The following TRAF6 variants were observed in gnomAD, a reference collection of about 807,000 sequenced individuals.
TRAF6 encodes TNF receptor-associated factor 6.
TRAF6 carries 10 observed loss-of-function variants against 48.4 expected under a neutral mutation model. That is an observed-to-expected ratio of 0.21 (90% CI 0.13 to 0.35). The LOEUF is 0.35. TRAF6 is among the 10% of genes least tolerant of loss of function. The probability of loss-of-function intolerance (pLI) is 1.00; values close to 1 mark genes in which losing one functional copy is unlikely to be tolerated. For synonymous variants in TRAF6, 186 were observed against 219.6 expected, an observed-to-expected ratio of 0.85 and a Z score of 1.35; for missense variants, 397 against 661.0, an observed-to-expected ratio of 0.60 and a Z score of 4.38.
Position 36,485,505 on chromosome 11 carries a change from G to A in TRAF6, c.*4333C>T, listed in dbSNP as rs1481715805. Among the ~76,000 whole-genome samples the A allele has an allele frequency of 1.3e-5, 2 of 152,118 alleles. No individual in the cohort carries two copies. Among genetic ancestry groups the A allele is most frequent in the African/African-American group, 2.4e-5 (1 of 41,386 alleles). ...ACCTTCAGAGCTGCAGACAGTAAGAGCAGAGGCACATGCCCCAACTTCCCC... is the reference window on the plus strand; with the variant it reads ...ACCTTCAGAGCTGCAGACAGTAAGAACAGAGGCACATGCCCCAACTTCCCC... On this transcript the variant is annotated 3_prime_UTR_variant, in exon 7 of 7. Coordinates refer to ENST00000526995, the MANE Select transcript of TRAF6 (RefSeq NM_004620.4).
Position 36,488,289 on chromosome 11 carries a change from G to C in TRAF6, c.*1549C>G, listed in dbSNP as rs927362471. The stretch of plus-strand genomic sequence containing the variant: ...TTTTCACTCCATAACAAACTCACCA[G>C]ATCAGGAGCCTAAGGGTGGGTGGGG... On this transcript the variant is annotated 3_prime_UTR_variant, in exon 7 of 7. Transcript: ENST00000526995. 7.4e-6 allele frequency: 1 copy of C among 135,658 alleles called. No individual in the cohort carries two copies. The highest frequency in any genetic ancestry group is 1.6e-5 in the Non-Finnish European group (1 of 63,510). 8.4% of individuals were successfully genotyped at this position (135,658 alleles called of 1,614,324 possible).
Position 36,490,555 on chromosome 11 carries a change from G to C in TRAF6, c.852C>G (p.Pro284=). The change falls in exon 7 of 7, where the codon CCC becomes CCG. Residue 284 remains proline, a synonymous_variant. Transcript: ENST00000526995. This position sits in a 1 kb window ranked among gnomAD's most constrained non-coding sequence, Gnocchi z 6.4. ...AQAVHSLSVI[P]DSGYISEVRN... ...GGACCTCTGAGATATACCCAGAGTC[G>C]GGTATAACGCTCAAACTATGAACAG... 1.9e-6 allele frequency: 3 copies of C among 1,614,074 alleles called. No individual in the cohort carries two copies. Among genetic ancestry groups the C allele is most frequent in the Non-Finnish European group, 2.5e-6 (3 of 1,180,026 alleles).
rs1859544879 is a variant in TRAF6, at chr11:36,490,240, C to G, written c.1167G>C (p.Leu389=). 2 of 1,614,206 alleles carry G rather than the reference C, an allele frequency of 1.2e-6. No homozygotes were observed. Among genetic ancestry groups the G allele is most frequent in the Non-Finnish European group, 1.7e-6 (2 of 1,180,038 alleles). The change falls in exon 7 of 7, where the codon CTG becomes CTC. Residue 389 remains leucine, a synonymous_variant. Coordinates refer to ENST00000526995, the MANE Select transcript of TRAF6 (RefSeq NM_004620.4). This position sits in a 1 kb window ranked among gnomAD's most constrained non-coding sequence, Gnocchi z 6.4. ...GTAACTGAAGGTGCAAGCGCATGCA[C>G]AGTTTGTACCCGGGTTTGCCAGTGT... ...GFYTGKPGYK[L]CMRLHLQLPT...
At chr11:36,504,583 G>C (rs974941849) in intron 1 of TRAF6, among the ~76,000 whole-genome samples, 2 of 152,106 alleles carry the variant, frequency 1.3e-5, no homozygotes, top group African/African-American at 4.8e-5. Flanking sequence ...TCATCCATGA[G>C]GGCTTCTTTC....
At chr11:36,507,740 CACAT>C (rs1388677120) in intron 1 of TRAF6, among the ~76,000 whole-genome samples, 2 of 132,932 alleles carry the variant, frequency 1.5e-5, no homozygotes, top group African/African-American at 2.9e-5. Flanking sequence ...TGTATATATA[CACAT>C]ACATACATGT....
At chr11:36,492,781 AG>A (rs1481142313) in intron 5 of TRAF6, among the ~76,000 whole-genome samples, 153 bp from the exon 6 acceptor site, 3 of 152,256 alleles carry the variant, frequency 2.0e-5, no homozygotes, top group Non-Finnish European at 4.4e-5. Flanking sequence ...AAAAATTAAA[AG>A]AACATCTACT....
rs1859484448 is a variant in TRAF6, at chr11:36,486,393, G to C, written c.*3445C>G. Among the ~76,000 whole-genome samples the C allele has an allele frequency of 6.6e-6, 1 of 152,104 alleles. No individual in the cohort carries two copies. The highest frequency in any genetic ancestry group is 1.5e-5 in the Non-Finnish European group (1 of 68,032). ...GAACTTGAGGCAAGCCAAGAGAACA[G>C]TGTTAGTACATACAAGCAATTGTTC... On this transcript the variant is annotated 3_prime_UTR_variant, in exon 7 of 7. Transcript: ENST00000526995.
rs1859486422 is a variant in TRAF6, at chr11:36,486,517, CTG to C, written c.*3319_*3320del. Among the ~76,000 whole-genome samples, 1 of 152,096 alleles carries C rather than the reference CTG, an allele frequency of 6.6e-6. No individual in the cohort carries two copies. The highest frequency in any genetic ancestry group is 2.1e-4 in the South Asian group (1 of 4,828). ...GTAAAAACGGTAATAGAGAATTATA[CTG>C]TGACCTGTATAATTTTATATGGGTC... On this transcript the variant is annotated 3_prime_UTR_variant, in exon 7 of 7. Coordinates refer to ENST00000526995, the MANE Select transcript of TRAF6 (RefSeq NM_004620.4).
intron 6 of TRAF6, among the ~76,000 whole-genome samples, 157 bp downstream of exon 6, chr11:36,492,394 C>A: frequency 6.6e-6 from 1 of 152,158 alleles, no homozygotes; most frequent in East Asian, 1.9e-4. Flanking sequence ...GCTAAGTATG[C>A]CTTTGCTTCT....
At position 36,490,869 on chromosome 11, in the gene TRAF6, A is replaced by G. The variant is rs1366591912; in HGVS notation, c.757-219T>C. On this transcript the variant is annotated intron_variant, in intron 6 of 6. Coordinates refer to ENST00000526995, the MANE Select transcript of TRAF6 (RefSeq NM_004620.4). This position sits in a 1 kb window ranked among gnomAD's most constrained non-coding sequence, Gnocchi z 6.4. ...TCTGATGACTACTCTCCCAGCTTTC[A>G]CTCACATAAATCTCCCTCCCACCTA... 1.3e-5 allele frequency among the ~76,000 whole-genome samples: 2 copies of G among 152,058 alleles called. No homozygotes were observed. The highest frequency in any genetic ancestry group is 1.9e-4 in the East Asian group (1 of 5,184).
Position 36,489,767 on chromosome 11 carries a change from T to A in TRAF6, c.*71A>T. ...ATTTCCCGTGGCTTGTTTGTTTGCA[T>A]GTTATTGAGAACAGGGCAAGGAAAG... On this transcript the variant is annotated 3_prime_UTR_variant, in exon 7 of 7. Transcript: ENST00000526995. 1.4e-6 allele frequency: 2 copies of A among 1,453,330 alleles called. No homozygotes were observed. The highest frequency in any genetic ancestry group is 1.9e-6 in the Non-Finnish European group (2 of 1,068,678). 90.0% of individuals were successfully genotyped at this position (1,453,330 alleles called of 1,614,324 possible).
rs1859474935 is a variant in TRAF6, at chr11:36,485,808, C to T, written c.*4030G>A. ...TGCCAAGATCCATCCAATTTGATTT[C>T]ATCAGATCATCTTTCTGGATACTGG... On this transcript the variant is annotated 3_prime_UTR_variant, in exon 7 of 7. Coordinates refer to ENST00000526995, the MANE Select transcript of TRAF6 (RefSeq NM_004620.4). Among the ~76,000 whole-genome samples the T allele has an allele frequency of 6.6e-6, 1 of 152,092 alleles. No individual in the cohort carries two copies. Among genetic ancestry groups the T allele is most frequent in the Non-Finnish European group, 1.5e-5 (1 of 68,034 alleles).
chr11:36,490,657 A>G lies in TRAF6; in HGVS notation c.757-7T>C. ...CCAAGTGATTCCTCTGCATCTAAAA[A>G]TCAAGCACAAGCCTTAGGCTGGGAA... On this transcript the variant is annotated splice_region_variant and splice_polypyrimidine_tract_variant and intron_variant, in intron 6 of 6. Transcript: ENST00000526995. The surrounding 1 kb of genome is among the most constrained non-coding windows in gnomAD (Gnocchi z 6.4). 1 of 1,603,286 alleles carries G rather than the reference A, an allele frequency of 6.2e-7. No individual in the cohort carries two copies.
intron 1 of TRAF6, among the ~76,000 whole-genome samples, chr11:36,508,232 G>T (rs1859834571): frequency 6.6e-6 from 1 of 151,536 alleles, no homozygotes. Flanking sequence ...AGTATAAATT[G>T]TTCCTTAACT....
intron 2 of TRAF6, 148 bp downstream of exon 2, chr11:36,501,072 A>C: frequency 1.3e-6 from 1 of 787,276 alleles, no homozygotes; most frequent in South Asian, 2.3e-5. Context: ...ATAAGAATCT[A>C]ACTTTCTCAA....
chr11:36,487,197 T>C lies in TRAF6; in HGVS notation c.*2641A>G, dbSNP rs1287931617. On this transcript the variant is annotated 3_prime_UTR_variant, in exon 7 of 7. Coordinates refer to ENST00000526995, the MANE Select transcript of TRAF6 (RefSeq NM_004620.4). Reference sequence around the variant, plus strand: ...TCCCAGAATGATGCCAAAAGATAAATATGGTAAAAGGTGGTTAGTAACATA... The same window carrying C: ...TCCCAGAATGATGCCAAAAGATAAACATGGTAAAAGGTGGTTAGTAACATA... 1.3e-5 allele frequency: 2 copies of C among 152,170 alleles called. No individual in the cohort carries two copies. Among genetic ancestry groups the C allele is most frequent in the Non-Finnish European group, 2.9e-5 (2 of 68,028 alleles). 9.4% of individuals were successfully genotyped at this position (152,170 alleles called of 1,614,324 possible). A position where few individuals can be genotyped will look rare whatever the true frequency, so the allele number is the denominator to read the frequency against.
Position 36,490,012 on chromosome 11 carries a change from T to C in TRAF6, c.1395A>G (p.Pro465=), listed in dbSNP as rs1232081823. ...CATAGCCAAAACCTTTTGGGTTCCG[T>C]GGGATTGTGGGTCGCTGGAAAGCAA... is the stretch of plus-strand genomic sequence containing the variant. The part of the protein sequence containing the change: ...ELLAFQRPTI[P]RNPKGFGYVT... Residue 465 remains proline, a synonymous_variant, in exon 7 of 7, where the codon CCA becomes CCG. Transcript: ENST00000526995. The surrounding 1 kb of genome is among the most constrained non-coding windows in gnomAD (Gnocchi z 6.4). 1.9e-6 allele frequency: 3 copies of C among 1,614,006 alleles called. No individual in the cohort carries two copies. Among genetic ancestry groups the C allele is most frequent in the African/African-American group, 2.7e-5 (2 of 74,890 alleles).
rs1339056147 is a variant in TRAF6, at chr11:36,484,640, A to AC, written c.*5197_*5198insG. ...GGAAAAGGACACGAAGACAAAACTG[A>AC]TTGACCCATGGTCAGTCAGGAGAAA... On this transcript the variant is annotated 3_prime_UTR_variant, in exon 7 of 7. Transcript: ENST00000526995. Among the ~76,000 whole-genome samples the AC allele has an allele frequency of 1.6e-5, 1 of 60,892 alleles. No homozygotes were observed. The highest frequency in any genetic ancestry group is 5.2e-5 in the Non-Finnish European group (1 of 19,134). 39.9% of individuals were successfully genotyped at this position (60,892 alleles called of 152,430 possible). A position where few individuals can be genotyped will look rare whatever the true frequency, so the allele number is the denominator to read the frequency against.
rs1404593051 is a variant in TRAF6, at chr11:36,485,259, A to G, written c.*4579T>C. Among the ~76,000 whole-genome samples, 2 of 152,198 alleles carry G rather than the reference A, an allele frequency of 1.3e-5. No homozygotes were observed. The highest frequency in any genetic ancestry group is 2.9e-5 in the Non-Finnish European group (2 of 68,050). On this transcript the variant is annotated 3_prime_UTR_variant, in exon 7 of 7. Transcript: ENST00000526995. Reference sequence around the variant, plus strand: ...CTTACCATCTAAAATTTACATGACAAGGTACCAGAAATTGGTCAGCTTCAA... The same window carrying G: ...CTTACCATCTAAAATTTACATGACAGGGTACCAGAAATTGGTCAGCTTCAA...
Sources: allele counts gnomAD v4.1 joint callset (sites outside exome capture counted in the v4.1 genomes callset), GRCh38; gene constraint gnomAD v4.1.1; non-coding constraint Gnocchi (gnomAD v3.1); transcripts MANE v1.5; gene names NCBI Gene and HGNC (gene_info 2026-07-23, HGNC 2026-07-21).